POMK: variants seen among roughly 807,000 people sequenced by gnomAD.
POMK encodes protein O-mannose kinase, also known as Sugen kinase 196.
Under a neutral mutation model 23.0 loss-of-function variants are expected in POMK, and 19 were observed. The observed-to-expected ratio is 0.83, with a 90% CI of 0.58 to 1.21. The LOEUF is 1.21. Among genes scored for constraint, POMK ranks in the 50% most tolerant of loss-of-function variants. The pLI, the probability that POMK is intolerant of heterozygous loss-of-function variation, is 0.00. For missense variants in POMK, 410 were observed against 431.3 expected (o/e 0.95, Z 0.44); for synonymous variants, 173 against 171.6 (o/e 1.01, Z -0.06).
chr8:43,109,042 C>A (rs891801954), intron 4 of POMK, among the ~76,000 whole-genome samples: 3 of 152,142 alleles, frequency 2.0e-5, no homozygotes, highest in African/African-American at 7.2e-5. Context: ...GACAGTGTTT[C>A]CTGCATGATT....
chr8:43,123,040 T>C lies in POMK; in HGVS notation c.*163T>C, dbSNP rs1811956399. On this transcript the variant is annotated 3_prime_UTR_variant, in exon 5 of 5. Transcript: ENST00000331373. ...CATCCACATGTACGTTTGTATGTAG[T>C]CCACATTGGTTGTTAGATTTTTTTT... is the stretch of plus-strand genomic sequence containing the variant. 1.6e-6 allele frequency: 1 copy of C among 625,452 alleles called. No homozygotes were observed. Among genetic ancestry groups the C allele is most frequent in the Non-Finnish European group, 2.7e-6 (1 of 364,092 alleles). The allele number at this position is 625,452 out of a possible 1,614,324, so 38.7% of individuals were successfully genotyped here. A position where few individuals can be genotyped will look rare whatever the true frequency, so the allele number is the denominator to read the frequency against.
At position 43,123,101 on chromosome 8, in the gene POMK, G is replaced by A; in HGVS notation, c.*224G>A. On this transcript the variant is annotated 3_prime_UTR_variant, in exon 5 of 5. Transcript: ENST00000331373. ...AGATGCGGTCTTGCTCTGTTGCTGA[G>A]GCTGGAGTGCAGTGATGTGATCTTG... 1 of 490,824 alleles carries A rather than the reference G, an allele frequency of 2.0e-6. No individual in the cohort carries two copies. The highest frequency in any genetic ancestry group is 3.7e-5 in the Admixed American group (1 of 26,768). The allele number at this position is 490,824 out of a possible 1,614,324, so 30.4% of individuals were successfully genotyped here.
intron 4 of POMK, among the ~76,000 whole-genome samples, chr8:43,104,456 A>T (rs1213593867): frequency 2.0e-5 from 3 of 152,222 alleles, no homozygotes; most frequent in Admixed American, 6.5e-5. Context: ...ATAGTGATAG[A>T]AAACTAGAAA....
chr8:43,096,539 A>T (rs1372299153), intron 1 of POMK, among the ~76,000 whole-genome samples: 1 of 151,660 alleles, frequency 6.6e-6, no homozygotes, highest in African/African-American at 2.4e-5. Flanking sequence ...CGTGCCTGTA[A>T]TCCCAGCTCT....
intron 2 of POMK, among the ~76,000 whole-genome samples, chr8:43,100,191 C>T (rs1264825140): frequency 2.0e-5 from 3 of 152,064 alleles, no homozygotes; most frequent in South Asian, 2.1e-4. Flanking sequence ...GTGGTGGAGC[C>T]GGGAGAGACT....
chr8:43,123,084 T>C lies in POMK; in HGVS notation c.*207T>C, dbSNP rs1811958450. 1.9e-6 allele frequency: 1 copy of C among 535,842 alleles called. No homozygotes were observed. The allele number at this position is 535,842 out of a possible 1,614,324, so 33.2% of individuals were successfully genotyped here. A position where few individuals can be genotyped will look rare whatever the true frequency, so the allele number is the denominator to read the frequency against. ...TTTTTTTTTTTTCTTTGAGATGCGG[T>C]CTTGCTCTGTTGCTGAGGCTGGAGT... On this transcript the variant is annotated 3_prime_UTR_variant, in exon 5 of 5. Coordinates refer to ENST00000331373, the MANE Select transcript of POMK (RefSeq NM_032237.5).
At position 43,095,927 on chromosome 8, in the gene POMK, A is replaced by C. The variant is rs1222350798; in HGVS notation, c.-209-1597A>C. Among the ~76,000 whole-genome samples the C allele has an allele frequency of 3.3e-5, 5 of 152,096 alleles. No individual in the cohort carries two copies. In the East Asian group the frequency reaches 7.7e-4, roughly 23 times the overall value. ...TTGAGCTGGGAAACTTGGATTGGAG[A>C]AGGAGGTGGCAGATGAGGGTCCTCA... On this transcript the variant is annotated intron_variant, in intron 1 of 4. Coordinates refer to ENST00000331373, the MANE Select transcript of POMK (RefSeq NM_032237.5).
chr8:43,119,237 G>A (rs1037418316), intron 4 of POMK, among the ~76,000 whole-genome samples: 2 of 152,086 alleles, frequency 1.3e-5, no homozygotes, highest in Non-Finnish European at 2.9e-5. Flanking sequence ...GTGGGCGTAA[G>A]GAAGCCATGG....
At chr8:43,098,467 G>A (rs985059561) in intron 2 of POMK, among the ~76,000 whole-genome samples, 1 of 152,188 alleles carries the variant, frequency 6.6e-6, no homozygotes. Context: ...TTTTATGGCT[G>A]AATAATATTC....
intron 4 of POMK, among the ~76,000 whole-genome samples, chr8:43,120,939 A>G (rs1052840000): frequency 6.6e-6 from 1 of 151,964 alleles, no homozygotes; most frequent in Non-Finnish European, 1.5e-5. Flanking sequence ...GGCCTCCCAA[A>G]GTGTTGGAAT....
intron 4 of POMK, among the ~76,000 whole-genome samples, chr8:43,105,819 A>C (rs758470868): frequency 1.7e-4 from 26 of 152,110 alleles, no homozygotes; most frequent in Non-Finnish European, 4.4e-5. Context: ...ATGTGCCACC[A>C]TGCCCGGCTA....
chr8:43,112,896 A>G (rs1230181673), intron 4 of POMK, among the ~76,000 whole-genome samples: 5 of 152,240 alleles, frequency 3.3e-5, no homozygotes, highest in South Asian at 2.1e-4. Context: ...GCCTGCCCTA[A>G]AAGAGCTCCT....
intron 4 of POMK, among the ~76,000 whole-genome samples, chr8:43,111,836 T>A (rs1023414964): frequency 6.6e-6 from 1 of 152,020 alleles, no homozygotes; most frequent in Non-Finnish European, 1.5e-5. Context: ...TCCAGTAAAC[T>A]CCAACAAACC....
chr8:43,118,060 A>G (rs1240972114), intron 4 of POMK, among the ~76,000 whole-genome samples: 1 of 152,234 alleles, frequency 6.6e-6, no homozygotes, highest in Admixed American at 6.5e-5. Flanking sequence ...CTACATAATA[A>G]TCTTAAGAAA....
At chr8:43,100,329 G>T (rs915039014) in intron 2 of POMK, among the ~76,000 whole-genome samples, 1 of 152,118 alleles carries the variant, frequency 6.6e-6, no homozygotes, top group South Asian at 2.1e-4. Context: ...TGAGGGACCC[G>T]TGGGTGTATC....
intron 4 of POMK, among the ~76,000 whole-genome samples, chr8:43,116,643 G>A (rs540548456): frequency 6.4e-4 from 98 of 152,316 alleles, no homozygotes; most frequent in Non-Finnish European, 1.1e-3. Flanking sequence ...CTTGAACAAT[G>A]TGGAGATTAG....
intron 2 of POMK, among the ~76,000 whole-genome samples, 180 bp downstream of exon 2, chr8:43,097,795 G>C (rs1811364259): frequency 6.6e-6 from 1 of 152,188 alleles, no homozygotes; most frequent in Admixed American, 6.5e-5. Flanking sequence ...AACTTGAGTG[G>C]GTGGTTGGGT....
chr8:43,116,299 G>C (rs907584519), intron 4 of POMK, among the ~76,000 whole-genome samples: 40 of 152,304 alleles, frequency 2.6e-4, no homozygotes, highest in Non-Finnish European at 3.4e-4. Flanking sequence ...CAGAGACAGA[G>C]TCTCTCTCTT....
At chr8:43,098,015 A>G (rs572205523) in intron 2 of POMK, among the ~76,000 whole-genome samples, 6 of 152,288 alleles carry the variant, frequency 3.9e-5, no homozygotes, top group African/African-American at 1.4e-4. Flanking sequence ...ACCTGGAGGA[A>G]TGCCATCACC....
Sources: allele counts gnomAD v4.1 joint callset (sites outside exome capture counted in the v4.1 genomes callset), GRCh38; gene constraint gnomAD v4.1.1; transcripts MANE v1.5; gene names NCBI Gene and HGNC (gene_info 2026-07-23, HGNC 2026-07-21).